Variants in MMP15 observed in about 807,000 individuals in gnomAD.
MMP15 encodes the protein matrix metallopeptidase 15.
In MMP15, 36 loss-of-function variants were observed where a neutral mutation model predicts 65.0. The ratio of observed to expected loss-of-function variants is 0.55; its 90% confidence interval spans 0.42 to 0.73. The LOEUF is 0.73. Among genes scored for constraint, MMP15 ranks in the 30% least tolerant of loss-of-function variants. MMP15 has a pLI of 0.00. For missense variants in MMP15, 870 were observed against 987.8 expected, an observed-to-expected ratio of 0.88 and a Z score of 1.60; for synonymous variants, 428 against 410.2, an observed-to-expected ratio of 1.04 and a Z score of -0.52.
Position 58,045,063 on chromosome 16 carries a change from C to T in MMP15, c.1627C>T (p.Arg543Trp). The change falls in exon 10 of 10, where the codon CGG (arginine) becomes TGG (tryptophan). Residue 543 changes from arginine to tryptophan, a missense_variant. Physicochemically the swap from Arg to Trp is moderately radical, Grantham distance 101. Coordinates refer to ENST00000219271, the MANE Select transcript of MMP15 (RefSeq NM_002428.4). ...CTGGAAATTCGACAATGAGCGCCTGCGGATGGAGCCCGGCTACCCCAAGTC... is the reference window on the plus strand; with the variant it reads ...CTGGAAATTCGACAATGAGCGCCTGTGGATGGAGCCCGGCTACCCCAAGTC... The part of the protein sequence containing the change: ...KYWKFDNERL[R>W]MEPGYPKSIL... 3.1e-6 allele frequency: 5 copies of T among 1,613,358 alleles called. No individual in the cohort carries two copies. The highest frequency in any genetic ancestry group is 4.2e-6 in the Non-Finnish European group (5 of 1,179,968).
Position 58,041,645 on chromosome 16 carries a change from C to T in MMP15, c.939C>T (p.Thr313=), listed in dbSNP as rs759634899. 1.2e-5 allele frequency: 19 copies of T among 1,581,012 alleles called. No homozygotes were observed. The Admixed American group carries it at 1.3e-4, about 10-fold the overall frequency. ...YGTPDGQPQP[T]QPLPTVTPRR... ...CCCCAGACGGTCAGCCACAGCCTAC[C>T]CAGCCTCTCCCCACTGTGACGCCAC... is the stretch of plus-strand genomic sequence containing the variant. Residue 313 remains threonine, a synonymous_variant, in exon 6 of 10, where the codon ACC becomes ACT. Coordinates refer to ENST00000219271, the MANE Select transcript of MMP15 (RefSeq NM_002428.4).
chr16:58,026,555 G>A (rs1963818193), intron 1 of MMP15, 43 bp downstream of exon 1: 1 of 1,287,186 alleles, frequency 7.8e-7, no homozygotes, highest in Non-Finnish European at 9.8e-7. Flanking sequence ...CTGGGGGCTT[G>A]GAGGGAGAGG....
Position 58,038,255 on chromosome 16 carries a change from C to G in MMP15, c.312-11C>G, listed in dbSNP as rs369755490. 8.7e-6 allele frequency: 14 copies of G among 1,613,432 alleles called. No individual in the cohort carries two copies. The African/African-American group carries it at 1.7e-4, about 20-fold the overall frequency. On this transcript the variant is annotated splice_polypyrimidine_tract_variant and intron_variant, in intron 2 of 9. Transcript: ENST00000219271. Reference sequence around the variant, plus strand: ...AGGCTCCGTGCTCACCCCTCTGTGTCCATGTCCCAGGTGGATGAAGCGGCC... The same window carrying G: ...AGGCTCCGTGCTCACCCCTCTGTGTGCATGTCCCAGGTGGATGAAGCGGCC...
chr16:58,043,438 T>A (rs1597067168), intron 8 of MMP15, 74 bp from the exon 9 acceptor site: 29 of 1,595,866 alleles, frequency 1.8e-5, no homozygotes, highest in Non-Finnish European at 2.4e-5. Context: ...CCAGAAAGAA[T>A]CCACTGCCTG....
intron 1 of MMP15, among the ~76,000 whole-genome samples, chr16:58,031,381 C>T (rs1209195076): frequency 6.6e-6 from 1 of 152,148 alleles, no homozygotes; most frequent in East Asian, 1.9e-4. Context: ...AGCCAAAAGC[C>T]CTCCCCCGGC....
At chr16:58,028,172 T>C (rs1484576239) in intron 1 of MMP15, among the ~76,000 whole-genome samples, 2 of 152,176 alleles carry the variant, frequency 1.3e-5, no homozygotes, top group African/African-American at 4.8e-5. Context: ...CTCTCTCTCT[T>C]CTGCTTTTCC....
intron 3 of MMP15, 40 bp from the exon 4 acceptor site, chr16:58,039,835 T>TG (rs777829451): frequency 6.4e-7 from 1 of 1,557,296 alleles, no homozygotes; most frequent in African/African-American, 1.4e-5. Context: ...AGTAGGCCCT[T>TG]GGCCCTGCAT....
At chr16:58,042,084 C>G in intron 6 of MMP15, 147 bp from the exon 7 acceptor site, 3 of 1,172,200 alleles carry the variant, frequency 2.6e-6, no homozygotes, top group Non-Finnish European at 3.5e-6. Flanking sequence ...CTGTGCAGCC[C>G]TGGCTTTCCA....
In MMP15 at chr16:58,033,369, A is replaced by C. The variant is rs558423528; in HGVS notation, c.163-4103A>C. On this transcript the variant is annotated intron_variant, in intron 1 of 9. Coordinates refer to ENST00000219271, the MANE Select transcript of MMP15 (RefSeq NM_002428.4). ...TGGGACCCTGGGTGAGGCACTCACT[A>C]TCTCTGAACCTTGCCGTCTGTATTA... 7.9e-5 allele frequency among the ~76,000 whole-genome samples: 12 copies of C among 152,304 alleles called. No individual in the cohort carries two copies. The South Asian group carries it at 2.1e-3, about 26-fold the overall frequency.
chr16:58,046,711 G>A lies in MMP15; in HGVS notation c.*1265G>A, dbSNP rs1038602621. On this transcript the variant is annotated 3_prime_UTR_variant, in exon 10 of 10. Transcript: ENST00000219271. ...GCCACCCAGGATCCCCAAGGCACTT[G>A]AGGGGGAAGGATTCTGCTGGCCTCT... 1.3e-5 allele frequency: 2 copies of A among 152,796 alleles called. No homozygotes were observed. The highest frequency in any genetic ancestry group is 2.9e-5 in the Non-Finnish European group (2 of 68,146). The allele number at this position is 152,796 out of a possible 1,614,324, so 9.5% of individuals were successfully genotyped here.
At chr16:58,029,052 G>A in intron 1 of MMP15, among the ~76,000 whole-genome samples, 1 of 152,190 alleles carries the variant, frequency 6.6e-6, no homozygotes, top group Middle Eastern at 3.2e-3. Flanking sequence ...TCCTCAGCCT[G>A]CTCTGTGGAG....
chr16:58,041,995 C>A, intron 6 of MMP15, 125 bp downstream of exon 6: 1 of 1,261,408 alleles, frequency 7.9e-7, no homozygotes, highest in Non-Finnish European at 1.1e-6. Flanking sequence ...GGGGAGGAAT[C>A]CAGCCCAAGA....
chr16:58,026,363 C>G lies in MMP15; in HGVS notation c.13C>G (p.Pro5Ala). 1 of 1,360,708 alleles carries G rather than the reference C, an allele frequency of 7.3e-7. No homozygotes were observed. Among genetic ancestry groups the G allele is most frequent in the Non-Finnish European group, 9.4e-7 (1 of 1,063,606 alleles). 84.3% of individuals were successfully genotyped at this position (1,360,708 alleles called of 1,614,324 possible). A position where few individuals can be genotyped will look rare whatever the true frequency, so the allele number is the denominator to read the frequency against. MGSD[P>A]SAPGRPGWTG... Reference sequence around the variant, plus strand: ...GGGCGCCGAGAGCATGGGCAGCGACCCGAGCGCGCCCGGACGGCCGGGCTG... The same window carrying G: ...GGGCGCCGAGAGCATGGGCAGCGACGCGAGCGCGCCCGGACGGCCGGGCTG... The change falls in exon 1 of 10, where the codon CCG becomes GCG. Residue 5 changes from proline (P) to alanine (A), a missense_variant. Physicochemically the swap from Pro to Ala is conservative, Grantham distance 27. Coordinates refer to ENST00000219271, the MANE Select transcript of MMP15 (RefSeq NM_002428.4).
rs755286030 is a variant in MMP15, at chr16:58,040,018, C to T, written c.584C>T (p.Ala195Val). ...EDIRLRRQKE[A>V]DIMVLFASGF... ...ATCCGGCTGCGGCGACAGAAGGAGG[C>T]CGACATCATGGTACTCTTTGCCTCT... is the stretch of plus-strand genomic sequence containing the variant. Residue 195 changes from alanine to valine, a missense_variant, in exon 4 of 10, where the codon GCC (alanine) becomes GTC (valine). Physicochemically the swap from Ala to Val is moderately conservative, Grantham distance 64. Transcript: ENST00000219271. 1.2e-6 allele frequency: 2 copies of T among 1,614,138 alleles called. No individual in the cohort carries two copies. The highest frequency in any genetic ancestry group is 1.7e-5 in the Admixed American group (1 of 60,036).
rs572155492 is a variant in MMP15 at position 58,026,101 on chromosome 16, G to A, written c.-250G>A. On this transcript the variant is annotated 5_prime_UTR_variant, in exon 1 of 10. Transcript: ENST00000219271. Reference sequence around the variant, plus strand: ...CCAGGCGCTGGGCGCCGAGGCTGCGGAACCTCGCCGGGGGCAGCTCCGGTC... The same window carrying A: ...CCAGGCGCTGGGCGCCGAGGCTGCGAAACCTCGCCGGGGGCAGCTCCGGTC... The A allele has an allele frequency of 6.5e-4, 246 of 375,584 alleles. No individual in the cohort carries two copies. Among genetic ancestry groups the A allele is most frequent in the Non-Finnish European group, 1.0e-3 (221 of 214,020 alleles). 23.3% of individuals were successfully genotyped at this position (375,584 alleles called of 1,614,324 possible).
At chr16:58,030,577 G>A (rs1963879335) in intron 1 of MMP15, among the ~76,000 whole-genome samples, 1 of 152,174 alleles carries the variant, frequency 6.6e-6, no homozygotes, top group Non-Finnish European at 1.5e-5. Flanking sequence ...CCATCCTGCT[G>A]CCATCGGCCG....
chr16:58,043,295 T>A lies in MMP15; in HGVS notation c.1389T>A (p.Tyr463Ter). 1.2e-6 allele frequency: 2 copies of A among 1,605,132 alleles called. No homozygotes were observed. Among genetic ancestry groups the A allele is most frequent in the Middle Eastern group, 1.7e-4 (1 of 6,054 alleles). Residue 463 changes from tyrosine to a stop codon, truncating the protein, a stop_gained, in exon 8 of 10, where the codon TAT becomes TAA. Transcript: ENST00000219271. LOFTEE classifies it high-confidence loss of function. Reference protein sequence around the residue: ...PLTSYGLGIPYDRIDTAIWWE... With the variant: ...PLTSYGLGIP ...CCAGCTATGGCCTGGGCATCCCCTA[T>A]GACCGCATTGACACGGCCATCTGGT...
rs146298044 is a variant in MMP15 at position 58,033,202 on chromosome 16, G to T, written c.163-4270G>T. Among the ~76,000 whole-genome samples the T allele has an allele frequency of 1.3e-3, 203 of 152,308 alleles. 3 individuals are homozygous for T. In the East Asian group the frequency reaches 0.021, roughly 16 times the overall value. ...CCCGGCCGGAGATGTCGGGTGTGGG[G>T]AGGATTAGGCACCCTTCCCCGTGCT... On this transcript the variant is annotated intron_variant, in intron 1 of 9. Coordinates refer to ENST00000219271, the MANE Select transcript of MMP15 (RefSeq NM_002428.4).
rs146461674 is a variant in MMP15 at position 58,040,067 on chromosome 16, G to A, written c.633G>A (p.Pro211=). ...CTGGCTTCCACGGCGACAGCTCGCC[G>A]TTTGATGGCACCGGTGGCTTTCTGG... ...FASGFHGDSS[P]FDGTGGFLAH... Residue 211 remains proline, a synonymous_variant, in exon 4 of 10, where the codon CCG becomes CCA. Coordinates refer to ENST00000219271, the MANE Select transcript of MMP15 (RefSeq NM_002428.4). 3.0e-4 allele frequency: 477 copies of A among 1,614,134 alleles called. 2 individuals carry two copies. Among genetic ancestry groups the A allele is most frequent in the Admixed American group, 2.0e-3 (118 of 60,032 alleles).
Sources: gnomAD v4.1 joint callset for allele counts (sites outside exome capture counted in the v4.1 genomes callset) on GRCh38, gnomAD v4.1.1 for gene constraint, MANE v1.5 for transcripts, NCBI Gene and HGNC (gene_info 2026-07-23, HGNC 2026-07-21) for gene names.